Variants in EPHA5 observed in about 807,000 individuals in gnomAD.
EPHA5 encodes ephrin type-A receptor 5.
A neutral mutation model predicts 105.0 loss-of-function variants in EPHA5; 60 were observed. That is an observed-to-expected ratio of 0.57 (90% CI 0.46 to 0.71). The LOEUF (loss-of-function observed/expected upper bound fraction) is 0.71, where lower values mean the gene tolerates loss of function less well. Among genes scored for constraint, EPHA5 ranks in the 30% least tolerant of loss-of-function variants. The pLI is 0.00. For missense variants in EPHA5, 1,218 were observed against 1,274.7 expected (o/e 0.96, Z 0.68); for synonymous variants, 513 against 449.1 (o/e 1.14, Z -1.80).
Position 65,667,989 on chromosome 4 carries a change from C to A in EPHA5, c.181+1573G>T, listed in dbSNP as rs367639905. Among the ~76,000 whole-genome samples, 3 of 152,220 alleles carry A rather than the reference C, an allele frequency of 2.0e-5. No individual in the cohort carries two copies. The East Asian group carries it at 5.8e-4, about 29-fold the overall frequency. ...TTAACATAAGGTGTTAATAAAAGGT[C>A]TACGACTCTCAAAAACATTTTTTCA... On this transcript the variant is annotated intron_variant, in intron 1 of 16. Coordinates refer to ENST00000613740, the MANE Select transcript of EPHA5 (RefSeq NM_001281766.3).
intron 8 of EPHA5, among the ~76,000 whole-genome samples, chr4:65,374,020 G>C (rs754189112): frequency 2.0e-5 from 3 of 151,918 alleles, no homozygotes; most frequent in Non-Finnish European, 4.4e-5. Flanking sequence ...ATGAATATTT[G>C]AGGATAAAGG....
chr4:65,394,167 T>A (rs1720991417), intron 8 of EPHA5, among the ~76,000 whole-genome samples: 1 of 152,170 alleles, frequency 6.6e-6, no homozygotes, highest in Non-Finnish European at 1.5e-5. Context: ...CTACTAAAAT[T>A]CAATGTATTT....
chr4:65,411,075 TG>T (rs759235047), intron 7 of EPHA5, among the ~76,000 whole-genome samples: 92 of 152,122 alleles, frequency 6.0e-4, no homozygotes, highest in Non-Finnish European at 1.2e-3. Flanking sequence ...CTGTTGAGAA[TG>T]GGGGTAATGT....
At chr4:65,565,358 G>A (rs1408307696) in intron 3 of EPHA5, among the ~76,000 whole-genome samples, 2 of 151,574 alleles carry the variant, frequency 1.3e-5, no homozygotes, top group East Asian at 3.9e-4. Flanking sequence ...CTCTTTTTAA[G>A]CCTTCACAAA....
chr4:65,626,211 A>G (rs1047672613), intron 2 of EPHA5, among the ~76,000 whole-genome samples: 5 of 152,292 alleles, frequency 3.3e-5, no homozygotes, highest in Middle Eastern at 3.4e-3. Flanking sequence ...ATTATGTAAA[A>G]CATGGCTTGA....
At chr4:65,447,317 G>A (rs1560545703) in intron 5 of EPHA5, among the ~76,000 whole-genome samples, 1 of 151,960 alleles carries the variant, frequency 6.6e-6, no homozygotes, top group East Asian at 1.9e-4. Context: ...ACATACCCCT[G>A]CAAAATAATG....
At chr4:65,516,890 T>C (rs900526794) in intron 3 of EPHA5, among the ~76,000 whole-genome samples, 4 of 152,112 alleles carry the variant, frequency 2.6e-5, no homozygotes, top group Non-Finnish European at 4.4e-5. Context: ...TTATTGAGAC[T>C]AACCAGACAG....
chr4:65,518,642 C>A (rs4604104), intron 3 of EPHA5, among the ~76,000 whole-genome samples: 4 of 151,788 alleles, frequency 2.6e-5, no homozygotes, highest in Non-Finnish European at 4.4e-5. Context: ...TATGTTCTTA[C>A]GTCAGATGTA....
rs909487477 is a variant in EPHA5, at chr4:65,670,375, C to T, written c.-633G>A. ...GCTGCCGGCCGGTAGGAGCGCGGAG[C>T]TGCGCTGCGGCGGCCCAGGAGCTGC... On this transcript the variant is annotated 5_prime_UTR_variant, in exon 1 of 17. Transcript: ENST00000613740. The T allele has an allele frequency of 8.6e-6, 2 of 233,786 alleles. No homozygotes were observed. The highest frequency in any genetic ancestry group is 1.7e-5 in the Non-Finnish European group (2 of 118,622). The allele number at this position is 233,786 out of a possible 1,614,324, so 14.5% of individuals were successfully genotyped here.
intron 5 of EPHA5, among the ~76,000 whole-genome samples, chr4:65,470,216 A>G (rs1729152090): frequency 6.7e-6 from 1 of 149,726 alleles, no homozygotes; most frequent in Non-Finnish European, 1.5e-5. Flanking sequence ...TTCTTGAGAC[A>G]GAGTCTCGCT....
At chr4:65,432,178 T>C (rs74930255) in intron 5 of EPHA5, among the ~76,000 whole-genome samples, 7,992 of 152,226 alleles carry the variant, frequency 0.053, 303 homozygotes, top group Middle Eastern at 0.11. Flanking sequence ...GCAAAAATGA[T>C]ACAAAAATAA....
At position 65,490,429 on chromosome 4, in the gene EPHA5, C is replaced by G. The variant is rs1295711230; in HGVS notation, c.1350G>C (p.Leu450Phe). The G allele has an allele frequency of 6.2e-7, 1 of 1,614,088 alleles. No homozygotes were observed. The highest frequency in any genetic ancestry group is 8.5e-7 in the Non-Finnish European group (1 of 1,180,004). Residue 450 changes from leucine to phenylalanine, a missense_variant, in exon 5 of 17, where the codon TTG becomes TTC. By Grantham distance (22) the Leu-to-Phe change is conservative. Transcript: ENST00000613740. ...EIEAVNGVSD[L>F]SPGARQYVSV... ...ACACATACTGCCGGGCTCCTGGGCT[C>G]AAGTCGGACACTCCATTCACTGCCT...
At chr4:65,547,247 C>A (rs1310956506) in intron 3 of EPHA5, among the ~76,000 whole-genome samples, 1 of 148,220 alleles carries the variant, frequency 6.7e-6, no homozygotes, top group South Asian at 2.1e-4. Flanking sequence ...CTGCTACCTG[C>A]AGTTGCCTAT....
intron 14 of EPHA5, among the ~76,000 whole-genome samples, chr4:65,340,331 T>G (rs1433349866): frequency 6.6e-6 from 1 of 152,124 alleles, no homozygotes; most frequent in African/African-American, 2.4e-5. Flanking sequence ...TCCCAGTGAC[T>G]CTTGCCAGAA....
intron 5 of EPHA5, among the ~76,000 whole-genome samples, chr4:65,430,412 G>A (rs548710042): frequency 6.6e-6 from 1 of 151,590 alleles, no homozygotes; most frequent in Non-Finnish European, 1.5e-5. Flanking sequence ...ATTTTGCTTT[G>A]AGAATTGTTT....
At chr4:65,471,079 TTCTG>T (rs1268259249) in intron 5 of EPHA5, among the ~76,000 whole-genome samples, 9 of 152,230 alleles carry the variant, frequency 5.9e-5, no homozygotes, top group Non-Finnish European at 8.8e-5. Context: ...TATACATTTG[TTCTG>T]ATCATGAGGC....
chr4:65,608,246 G>C (rs11733771), intron 2 of EPHA5, among the ~76,000 whole-genome samples: 9,447 of 152,260 alleles, frequency 0.062, 395 homozygotes, highest in Admixed American at 0.11. Context: ...CCTGGCGCCT[G>C]TAATCCCAGC....
chr4:65,635,167 A>G (rs1369078388), intron 2 of EPHA5, among the ~76,000 whole-genome samples: 1 of 152,078 alleles, frequency 6.6e-6, no homozygotes, highest in Non-Finnish European at 1.5e-5. Flanking sequence ...TCAAAGAAAT[A>G]ACAGAACAAA....
At chr4:65,521,448 C>T (rs186038835) in intron 3 of EPHA5, among the ~76,000 whole-genome samples, 1 of 152,120 alleles carries the variant, frequency 6.6e-6, no homozygotes, top group African/African-American at 2.4e-5. Flanking sequence ...GGGTGTAGCA[C>T]ACCAACATGG....
Sources: gnomAD v4.1 joint callset for allele counts (sites outside exome capture counted in the v4.1 genomes callset) on GRCh38, gnomAD v4.1.1 for gene constraint, MANE v1.5 for transcripts, NCBI Gene and HGNC (gene_info 2026-07-23, HGNC 2026-07-21) for gene names.